The following SOBP variants were observed in gnomAD, a reference collection of about 807,000 sequenced individuals.
SOBP encodes the protein sine oculis binding protein homolog.
A neutral mutation model predicts 53.6 loss-of-function variants in SOBP; 4 were observed. The observed-to-expected ratio is 0.07, with a 90% CI of 0.04 to 0.17. SOBP has a LOEUF of 0.17. SOBP is among the 10% of genes least tolerant of loss of function. The pLI is 1.00. For missense variants in SOBP, 1,088 were observed against 1,204.7 expected (o/e 0.90, Z 1.43); for synonymous variants, 584 against 522.6 (o/e 1.12, Z -1.60).
chr6:107,510,863 G>A (rs1347847975), intron 3 of SOBP: 1 of 152,192 alleles, frequency 6.6e-6, no homozygotes, highest in Non-Finnish European at 1.5e-5. Flanking sequence ...TATCATGCAA[G>A]TGCACCTCTC....
chr6:107,634,639 C>G lies in SOBP; in HGVS notation c.1795C>G (p.Pro599Ala). The change falls in exon 6 of 7, where the codon CCC becomes GCC. Residue 599 changes from proline to alanine, a missense_variant. By Grantham distance (27) the Pro-to-Ala change is conservative (BLOSUM62 -1). Coordinates refer to ENST00000317357, the MANE Select transcript of SOBP (RefSeq NM_018013.4). This position sits in a 1 kb window ranked among gnomAD's most constrained non-coding sequence, Gnocchi z 4.5. ...QGSSKSADSP[P>A]GCSGQALSLA... ...CTCGTCCAAGTCCGCGGACTCGCCCCCCGGCTGCTCGGGCCAGGCCCTGAG... is the reference window on the plus strand; with the variant it reads ...CTCGTCCAAGTCCGCGGACTCGCCCGCCGGCTGCTCGGGCCAGGCCCTGAG... 6.4e-7 allele frequency: 1 copy of G among 1,574,516 alleles called. No individual in the cohort carries two copies. The highest frequency in any genetic ancestry group is 1.1e-5 in the South Asian group (1 of 88,202).
chr6:107,512,138 T>G (rs1192083881), intron 3 of SOBP, among the ~76,000 whole-genome samples: 1 of 152,226 alleles, frequency 6.6e-6, no homozygotes, highest in African/African-American at 2.4e-5. Context: ...CAAACATGTC[T>G]TTATTCTTTC....
Position 107,633,382 on chromosome 6 carries a change from G to T in SOBP, c.670-132G>T, listed in dbSNP as rs551474622. 7 of 1,143,884 alleles carry T rather than the reference G, an allele frequency of 6.1e-6. No homozygotes were observed. In the South Asian group the frequency reaches 9.0e-5, roughly 15 times the overall value. The allele number at this position is 1,143,884 out of a possible 1,614,324, so 70.9% of individuals were successfully genotyped here. On this transcript the variant is annotated intron_variant, in intron 5 of 6. Transcript: ENST00000317357. ...AAACATTTCAGAATTTTACCTTTTA[G>T]AAGGAAACAGTTCTGCCTGTTTGAG...
At chr6:107,619,842 A>T (rs982190650) in intron 5 of SOBP, among the ~76,000 whole-genome samples, 13 of 152,132 alleles carry the variant, frequency 8.5e-5, no homozygotes, top group African/African-American at 3.1e-4. Flanking sequence ...CCATAGCAAG[A>T]TACAGGGTCA....
At chr6:107,611,155 C>T (rs1786581857) in intron 5 of SOBP, among the ~76,000 whole-genome samples, 1 of 152,238 alleles carries the variant, frequency 6.6e-6, no homozygotes, top group Non-Finnish European at 1.5e-5. Flanking sequence ...GTTCCCTCTT[C>T]ACTAAAGGCT....
At chr6:107,498,018 A>G (rs1423074031) in intron 1 of SOBP, among the ~76,000 whole-genome samples, 1 of 152,182 alleles carries the variant, frequency 6.6e-6, no homozygotes, top group Admixed American at 6.5e-5. Context: ...GCTTTTACAT[A>G]TTTATTTTTA....
chr6:107,515,213 T>C (rs921532489), intron 3 of SOBP: 2 of 152,164 alleles, frequency 1.3e-5, no homozygotes, highest in South Asian at 4.1e-4. Flanking sequence ...AATAAAATAA[T>C]TGAATCTTTT....
chr6:107,584,557 G>T (rs1270321762), intron 4 of SOBP, among the ~76,000 whole-genome samples: 1 of 152,168 alleles, frequency 6.6e-6, no homozygotes, highest in East Asian at 1.9e-4. Context: ...GGACTCTGGA[G>T]TCAGGGTGGG....
intron 4 of SOBP, among the ~76,000 whole-genome samples, chr6:107,583,880 A>G (rs563355269): frequency 6.6e-6 from 1 of 152,356 alleles, no homozygotes; most frequent in African/African-American, 2.4e-5. Flanking sequence ...CTGGTCGAGC[A>G]TGCTAAATCT....
intron 3 of SOBP, among the ~76,000 whole-genome samples, chr6:107,530,661 A>G (rs1247188240): frequency 6.6e-6 from 1 of 152,146 alleles, no homozygotes; most frequent in African/African-American, 2.4e-5. Context: ...ACAGTTTAAT[A>G]CTAGAAAAGG....
intron 4 of SOBP, among the ~76,000 whole-genome samples, chr6:107,535,642 T>G (rs1783974764): frequency 2.0e-5 from 3 of 151,520 alleles, no homozygotes; most frequent in South Asian, 2.1e-4. Context: ...TGTGTGTTTT[T>G]TTTTTTTCCA....
In SOBP at chr6:107,642,513, G is replaced by A. The variant is rs149951756; in HGVS notation, c.*3+7044G>A. Among the ~76,000 whole-genome samples, 23 of 152,286 alleles carry A rather than the reference G, an allele frequency of 1.5e-4. No individual in the cohort carries two copies. In the East Asian group the frequency reaches 4.4e-3, roughly 29 times the overall value. On this transcript the variant is annotated intron_variant, in intron 6 of 6. Transcript: ENST00000317357. ...CCTTGGACTGAATTAATGATCATAA[G>A]CAAAAAATGCTTGTGCAATTGTACT... is the stretch of plus-strand genomic sequence containing the variant.
rs149248068 is a variant in SOBP at position 107,534,267 on chromosome 6, A to G, written c.573+657A>G. ...TTTTGAAGACATCCCAGGTCTGAAA[A>G]TGTCCTTTTTGAATAGTGTTAGCCA... On this transcript the variant is annotated intron_variant, in intron 4 of 6. Transcript: ENST00000317357. 2.0e-5 allele frequency among the ~76,000 whole-genome samples: 3 copies of G among 152,314 alleles called. No individual in the cohort carries two copies. The East Asian group carries it at 5.8e-4, about 29-fold the overall frequency.
chr6:107,570,965 C>T (rs1171554368), intron 4 of SOBP, among the ~76,000 whole-genome samples: 2 of 152,180 alleles, frequency 1.3e-5, no homozygotes, highest in Non-Finnish European at 2.9e-5. Context: ...CTGTCCTTGA[C>T]GGTATTCATC....
At chr6:107,654,310 A>T (rs1028968079) in intron 6 of SOBP, among the ~76,000 whole-genome samples, 1 of 152,206 alleles carries the variant, frequency 6.6e-6, no homozygotes, top group Non-Finnish European at 1.5e-5. Flanking sequence ...CTGATGCTTC[A>T]TGTAGCAGGG....
chr6:107,492,716 T>C (rs1782609680), intron 1 of SOBP, among the ~76,000 whole-genome samples: 1 of 152,194 alleles, frequency 6.6e-6, no homozygotes, highest in Non-Finnish European at 1.5e-5. Flanking sequence ...GAATTTCCTC[T>C]TTTTAAAATA....
At chr6:107,580,816 G>A (rs192764477) in intron 4 of SOBP, among the ~76,000 whole-genome samples, 1 of 152,244 alleles carries the variant, frequency 6.6e-6, no homozygotes, top group African/African-American at 2.4e-5. Context: ...AGCAGGTGTT[G>A]GGCAGAAGTG....
At chr6:107,529,396 CT>C in intron 3 of SOBP, 1 of 967,704 alleles carries the variant, frequency 1.0e-6, no homozygotes, top group Non-Finnish European at 1.2e-6. Flanking sequence ...CTCAGACTGC[CT>C]TGTAACTTGT....
intron 4 of SOBP, among the ~76,000 whole-genome samples, chr6:107,572,190 C>G (rs1785092074): frequency 6.6e-6 from 1 of 151,880 alleles, no homozygotes; most frequent in Admixed American, 6.6e-5. Flanking sequence ...CTGAAGATAG[C>G]AATTTTGAAC....
Sources: allele counts gnomAD v4.1 joint callset (sites outside exome capture counted in the v4.1 genomes callset), GRCh38; gene constraint gnomAD v4.1.1; non-coding constraint Gnocchi (gnomAD v3.1); transcripts MANE v1.5; gene names NCBI Gene and HGNC (gene_info 2026-07-23, HGNC 2026-07-21).